PDLIM5: variants seen among roughly 807,000 people sequenced by gnomAD.
The protein encoded by PDLIM5 is PDZ and LIM domain 5.
In PDLIM5, 34 loss-of-function variants were observed where a neutral mutation model predicts 64.2. The ratio of observed to expected loss-of-function variants is 0.53; its 90% CI spans 0.40 to 0.71. PDLIM5 has a LOEUF of 0.71. Ranked by LOEUF, PDLIM5 falls within the 30% of genes least tolerant of loss-of-function variation. The pLI is 0.00. For synonymous variants in PDLIM5, 253 were observed against 269.1 expected, an observed-to-expected ratio of 0.94 and a Z score of 0.59; for missense variants, 683 against 733.6, an observed-to-expected ratio of 0.93 and a Z score of 0.80.
chr4:94,649,134 C>G (rs1229714107), intron 9 of PDLIM5, among the ~76,000 whole-genome samples: 1 of 152,018 alleles, frequency 6.6e-6, no homozygotes, highest in Non-Finnish European at 1.5e-5. Flanking sequence ...TGCCACCATG[C>G]CCAGCTAATT....
intron 3 of PDLIM5, 59 bp downstream of exon 3, chr4:94,523,934 T>C: frequency 7.7e-7 from 1 of 1,294,164 alleles, no homozygotes; most frequent in Non-Finnish European, 1.1e-6. Flanking sequence ...TGTGTTTTTG[T>C]GTGTCTGACT....
intron 3 of PDLIM5, among the ~76,000 whole-genome samples, chr4:94,538,587 A>G (rs1289859096): frequency 6.6e-6 from 1 of 152,108 alleles, no homozygotes; most frequent in South Asian, 2.1e-4. Flanking sequence ...ACTAATTACA[A>G]TGTTCTTTTA....
chr4:94,586,364 T>TA, intron 6 of PDLIM5, 44 bp from the exon 7 acceptor site: 1 of 1,103,326 alleles, frequency 9.1e-7, no homozygotes. Context: ...ATTTTGAAGT[T>TA]AAACAAAACA....
intron 8 of PDLIM5, among the ~76,000 whole-genome samples, chr4:94,622,759 C>T (rs2110409647): frequency 6.6e-6 from 1 of 152,154 alleles, no homozygotes; most frequent in African/African-American, 2.4e-5. Flanking sequence ...CAACCTCCAC[C>T]TCCCAGGTTC....
intron 8 of PDLIM5, among the ~76,000 whole-genome samples, chr4:94,633,017 C>T (rs1740280907): frequency 6.6e-6 from 1 of 151,898 alleles, no homozygotes; most frequent in Admixed American, 6.6e-5. Context: ...ATCAGATAAT[C>T]AGAAAAAAAT....
intron 3 of PDLIM5, among the ~76,000 whole-genome samples, chr4:94,534,203 AC>A (rs1449177199): frequency 1.8e-4 from 27 of 152,348 alleles, no homozygotes; most frequent in Admixed American, 4.6e-4. Context: ...AGAAAGACAA[AC>A]AAAAATGTGA....
Position 94,653,349 on chromosome 4 carries a change from A to T in PDLIM5, c.1284-1111A>T, listed in dbSNP as rs76398421. On this transcript the variant is annotated intron_variant, in intron 9 of 12. Transcript: ENST00000317968. ...CAGGAATGTTGCATGGACAAATTAG[A>T]TAAGTGTAAAAGTGCCTTGGAGGTA... is the stretch of plus-strand genomic sequence containing the variant. Among the ~76,000 whole-genome samples the T allele has an allele frequency of 6.3e-3, 962 of 152,242 alleles. 16 individuals carry two copies. Among genetic ancestry groups the T allele is most frequent in the African/African-American group, 0.022 (921 of 41,536 alleles).
At chr4:94,545,217 T>C (rs1022954237) in intron 3 of PDLIM5, among the ~76,000 whole-genome samples, 1 of 152,362 alleles carries the variant, frequency 6.6e-6, no homozygotes, top group South Asian at 2.1e-4. Context: ...TCAGGCTTAT[T>C]TATAACTCTA....
At chr4:94,542,750 C>T (rs1731932743) in intron 3 of PDLIM5, among the ~76,000 whole-genome samples, 1 of 152,102 alleles carries the variant, frequency 6.6e-6, no homozygotes, top group Admixed American at 6.5e-5. Flanking sequence ...CCTGTTATTT[C>T]ATCTATTTAA....
At chr4:94,534,701 T>C (rs1171793579) in intron 3 of PDLIM5, among the ~76,000 whole-genome samples, 1 of 152,204 alleles carries the variant, frequency 6.6e-6, no homozygotes, top group Non-Finnish European at 1.5e-5. Context: ...TTTCTTCCTA[T>C]TTCCCTCCTC....
Position 94,666,148 on chromosome 4 carries a change from C to G in PDLIM5, c.*2081C>G. The G allele has an allele frequency of 2.7e-6, 2 of 735,090 alleles. No individual in the cohort carries two copies. The highest frequency in any genetic ancestry group is 4.4e-6 in the Non-Finnish European group (2 of 457,662). The allele number at this position is 735,090 out of a possible 1,614,324, so 45.5% of individuals were successfully genotyped here. ...CATCACTCACTTACGACATCACTTC[C>G]ATTGTGTGCATGTTTGTTATAGAGG... On this transcript the variant is annotated 3_prime_UTR_variant, in exon 13 of 13. Coordinates refer to ENST00000317968, the MANE Select transcript of PDLIM5 (RefSeq NM_006457.5).
intron 2 of PDLIM5, among the ~76,000 whole-genome samples, chr4:94,495,423 C>T (rs1484934303): frequency 6.6e-6 from 1 of 151,884 alleles, no homozygotes; most frequent in Non-Finnish European, 1.5e-5. Context: ...CTTAAGACTT[C>T]TTAAGTTGCA....
chr4:94,453,280 A>G (rs1723029340), intron 1 of PDLIM5, among the ~76,000 whole-genome samples: 2 of 152,186 alleles, frequency 1.3e-5, no homozygotes, highest in South Asian at 4.1e-4. Context: ...AAAGGCCAAT[A>G]AAAATATTGC....
At chr4:94,593,364 G>A (rs138882991) in intron 7 of PDLIM5, among the ~76,000 whole-genome samples, 2 of 152,162 alleles carry the variant, frequency 1.3e-5, no homozygotes, top group East Asian at 3.9e-4. Flanking sequence ...GACTGGTTAG[G>A]TGGGACAGTA....
intron 2 of PDLIM5, chr4:94,489,072 T>C (rs1460400020): frequency 2.0e-5 from 3 of 152,214 alleles, no homozygotes; most frequent in African/African-American, 7.2e-5. Flanking sequence ...GTCATAAAGG[T>C]GTGTTTTCTT....
At chr4:94,618,990 GT>G (rs1739007350) in intron 8 of PDLIM5, among the ~76,000 whole-genome samples, 1 of 151,940 alleles carries the variant, frequency 6.6e-6, no homozygotes, top group Admixed American at 6.6e-5. Flanking sequence ...TCATTACTTA[GT>G]TATCGATAAT....
At chr4:94,564,656 CTTTTTTTTT>C (rs768721210) in intron 3 of PDLIM5, among the ~76,000 whole-genome samples, 1 of 104,542 alleles carries the variant, frequency 9.6e-6, no homozygotes, top group Non-Finnish European at 1.8e-5. Context: ...AATTTTGTCT[CTTTTTTTTT>C]TTTTTTTTTT....
At chr4:94,649,381 A>G (rs563594856) in intron 9 of PDLIM5, among the ~76,000 whole-genome samples, 9 of 152,244 alleles carry the variant, frequency 5.9e-5, no homozygotes, top group African/African-American at 1.9e-4. Context: ...ACTCATGGAG[A>G]GGGTCTTTAC....
chr4:94,635,988 G>A lies in PDLIM5; in HGVS notation c.1109-4288G>A, dbSNP rs138264470. Among the ~76,000 whole-genome samples, 424 of 152,330 alleles carry A rather than the reference G, an allele frequency of 2.8e-3. 2 individuals are homozygous for A. The highest frequency in any genetic ancestry group is 9.5e-3 in the African/African-American group (394 of 41,570). ...ATTTCATATCCAAAGTGGTTAAAAT[G>A]GGGCAGTAACGGAAAGCAAGGCTTT... On this transcript the variant is annotated intron_variant, in intron 8 of 12. Transcript: ENST00000317968.
Sources: allele counts gnomAD v4.1 joint callset (sites outside exome capture counted in the v4.1 genomes callset), GRCh38; gene constraint gnomAD v4.1.1; transcripts MANE v1.5; gene names NCBI Gene and HGNC (gene_info 2026-07-23, HGNC 2026-07-21).